The following NRG1 variants were observed in gnomAD, a reference collection of about 807,000 sequenced individuals.
The protein encoded by NRG1 is neuregulin 1, also known as pro-neuregulin-1, membrane-bound isoform.
NRG1 carries 18 observed loss-of-function variants against 63.8 expected under a neutral mutation model. The ratio of observed to expected loss-of-function variants is 0.28; its 90% CI spans 0.19 to 0.42. The LOEUF is 0.42. Ranked by LOEUF, NRG1 falls within the 10% of genes least tolerant of loss-of-function variation. The pLI, the probability that NRG1 is intolerant of heterozygous loss-of-function variation, is 1.00. For synonymous variants in NRG1, 302 were observed against 301.3 expected (o/e 1.00, Z -0.02); for missense variants, 762 against 814.7 (o/e 0.94, Z 0.79).
At chr8:31,865,202 G>A (rs1189584865) in intron 1 of NRG1, among the ~76,000 whole-genome samples, 1 of 152,086 alleles carries the variant, frequency 6.6e-6, no homozygotes, top group Admixed American at 6.6e-5. Flanking sequence ...TATAAATAGT[G>A]TGAGGAAACC....
intron 5 of NRG1, among the ~76,000 whole-genome samples, chr8:32,692,514 G>C (rs1332691498): frequency 6.6e-6 from 1 of 152,144 alleles, no homozygotes; most frequent in Admixed American, 6.5e-5. Flanking sequence ...TATAATGAAG[G>C]CTTCCTGGAA....
intron 1 of NRG1, among the ~76,000 whole-genome samples, chr8:31,845,553 G>C (rs1366635732): frequency 2.0e-5 from 3 of 152,044 alleles, no homozygotes; most frequent in African/African-American, 7.2e-5. Context: ...TGCTCTTTTT[G>C]TTAGCTCTAG....
At chr8:31,812,336 A>G (rs932289458) in intron 1 of NRG1, among the ~76,000 whole-genome samples, 4 of 152,166 alleles carry the variant, frequency 2.6e-5, no homozygotes, top group Admixed American at 2.0e-4. Context: ...TTTACGAAGT[A>G]TAGGATGGGC....
intron 5 of NRG1, among the ~76,000 whole-genome samples, chr8:32,683,073 G>T (rs1265550313): frequency 3.3e-5 from 5 of 152,118 alleles, no homozygotes; most frequent in Non-Finnish European, 7.4e-5. Flanking sequence ...TGCACAACAA[G>T]AATTCTGACT....
chr8:32,140,446 A>G, intron 1 of NRG1, among the ~76,000 whole-genome samples: 1 of 151,546 alleles, frequency 6.6e-6, no homozygotes, highest in African/African-American at 2.4e-5. Flanking sequence ...CACCTGCTGA[A>G]ATGCTTTTCT....
intron 5 of NRG1, chr8:32,647,773 C>G (rs940766833): frequency 5.6e-6 from 9 of 1,609,080 alleles, no homozygotes; most frequent in Admixed American, 5.0e-5. Flanking sequence ...TCCTCCAGCC[C>G]CTCCACTCAG....
At chr8:32,100,527 A>G (rs374804829) in intron 1 of NRG1, among the ~76,000 whole-genome samples, 25 of 151,690 alleles carry the variant, frequency 1.6e-4, no homozygotes, top group African/African-American at 6.0e-4. Context: ...TGCTCTTCTC[A>G]TTATACAGCA....
intron 1 of NRG1, among the ~76,000 whole-genome samples, chr8:31,838,268 A>T (rs1825869323): frequency 6.6e-6 from 1 of 152,116 alleles, no homozygotes; most frequent in Non-Finnish European, 1.5e-5. Flanking sequence ...TATATCTTTG[A>T]GTCAACATCT....
intron 5 of NRG1, among the ~76,000 whole-genome samples, chr8:32,649,432 C>T (rs1181568448): frequency 6.6e-6 from 1 of 151,952 alleles, no homozygotes; most frequent in Non-Finnish European, 1.5e-5. Flanking sequence ...TCACTTTTTA[C>T]CATGAGGAAT....
intron 1 of NRG1, among the ~76,000 whole-genome samples, chr8:31,763,969 A>C (rs1817805179): frequency 6.8e-6 from 1 of 148,078 alleles, no homozygotes; most frequent in Non-Finnish European, 1.5e-5. Context: ...TCGCGCCACC[A>C]CACTCCAGCC....
chr8:32,272,060 T>C (rs565510673), intron 1 of NRG1, among the ~76,000 whole-genome samples: 1 of 152,318 alleles, frequency 6.6e-6, no homozygotes, highest in East Asian at 1.9e-4. Context: ...TTTTCAAGTT[T>C]CTAATATTAA....
intron 1 of NRG1, among the ~76,000 whole-genome samples, chr8:31,816,446 T>C (rs1354268576): frequency 1.3e-5 from 2 of 152,238 alleles, no homozygotes; most frequent in East Asian, 1.9e-4. Flanking sequence ...CCTTATTAAG[T>C]ACCTTTAAGG....
intron 1 of NRG1, among the ~76,000 whole-genome samples, chr8:32,299,859 G>C (rs1403976407): frequency 3.9e-5 from 6 of 152,172 alleles, no homozygotes; most frequent in African/African-American, 1.4e-4. Flanking sequence ...TCCCTCCTGT[G>C]ACACGTGTGG....
chr8:32,476,659 A>G (rs1409854997), intron 1 of NRG1, among the ~76,000 whole-genome samples: 2 of 152,224 alleles, frequency 1.3e-5, no homozygotes, highest in African/African-American at 4.8e-5. Context: ...AGAATTGCCA[A>G]TGATCCCAGC....
At chr8:32,702,551 G>GA in intron 5 of NRG1, among the ~76,000 whole-genome samples, 1 of 152,096 alleles carries the variant, frequency 6.6e-6, no homozygotes, top group Non-Finnish European at 1.5e-5. Context: ...CAGTGGTGCA[G>GA]TCTTGGCTAA....
intron 1 of NRG1, among the ~76,000 whole-genome samples, chr8:32,145,338 T>TTA (rs1273977599): frequency 6.6e-6 from 1 of 152,234 alleles, no homozygotes; most frequent in African/African-American, 2.4e-5. Context: ...AATGCCATTC[T>TTA]TATGGCTTAA....
chr8:32,385,024 C>T (rs1434938331), intron 1 of NRG1, among the ~76,000 whole-genome samples: 1 of 152,136 alleles, frequency 6.6e-6, no homozygotes, highest in African/African-American at 2.4e-5. Context: ...TATGGCCTCT[C>T]TCTCTTGTTT....
At chr8:32,596,958 G>GGATA (rs748575591) in intron 2 of NRG1, among the ~76,000 whole-genome samples, 7 of 151,928 alleles carry the variant, frequency 4.6e-5, no homozygotes, top group Non-Finnish European at 7.4e-5. Flanking sequence ...CTTGGTGGAT[G>GGATA]CATTCTGTAT....
intron 1 of NRG1, among the ~76,000 whole-genome samples, chr8:31,763,218 T>G (rs916935851): frequency 6.6e-6 from 1 of 152,208 alleles, no homozygotes; most frequent in Non-Finnish European, 1.5e-5. Context: ...ACAACACATA[T>G]AATGATGAAA....
Sources: gnomAD v4.1 joint callset for allele counts (sites outside exome capture counted in the v4.1 genomes callset) on GRCh38, gnomAD v4.1.1 for gene constraint, MANE v1.5 for transcripts, NCBI Gene and HGNC (gene_info 2026-07-23, HGNC 2026-07-21) for gene names.